Variants in CNBD1 observed in about 807,000 individuals in gnomAD.
The protein encoded by CNBD1 is cyclic nucleotide binding domain containing 1.
A neutral mutation model predicts 54.4 loss-of-function variants in CNBD1; 71 were observed. The ratio of observed to expected loss-of-function variants is 1.30; its 90% CI spans 1.08 to 1.59. CNBD1 has a LOEUF of 1.59. Ranked by LOEUF, CNBD1 falls within the 40% of genes most tolerant of loss-of-function variation. The probability of loss-of-function intolerance (pLI) is 0.00; values close to 1 mark genes in which losing one functional copy is unlikely to be tolerated. For missense variants in CNBD1, 659 were observed against 518.0 expected (o/e 1.27, Z -2.64); for synonymous variants, 182 against 170.7 (o/e 1.07, Z -0.51).
At chr8:87,188,458 G>T (rs188837061) in intron 4 of CNBD1, among the ~76,000 whole-genome samples, 1 of 152,220 alleles carries the variant, frequency 6.6e-6, no homozygotes, top group East Asian at 1.9e-4. Context: ...GGCTCGGTGC[G>T]GTGGTTCACA....
chr8:87,136,277 A>G (rs1007622864), intron 4 of CNBD1, among the ~76,000 whole-genome samples: 2 of 151,786 alleles, frequency 1.3e-5, no homozygotes, highest in South Asian at 2.1e-4. Flanking sequence ...CAGTGACTCC[A>G]TATTTTTAGA....
rs1282536925 is a variant in CNBD1 at position 86,888,456 on chromosome 8, T to A, written c.158+845T>A. Among the ~76,000 whole-genome samples, 3 of 152,062 alleles carry A rather than the reference T, an allele frequency of 2.0e-5. No individual in the cohort carries two copies. In the East Asian group the frequency reaches 5.8e-4, roughly 29 times the overall value. On this transcript the variant is annotated intron_variant, in intron 2 of 10. Transcript: ENST00000518476. ...AAGTCCACACACTCCCGAGACCTAT[T>A]GCCTGATGTGAATCCTGTCTCAGCC... is the stretch of plus-strand genomic sequence containing the variant.
intron 1 of CNBD1, among the ~76,000 whole-genome samples, chr8:86,879,741 G>A (rs767223022): frequency 3.9e-5 from 6 of 151,988 alleles, no homozygotes; most frequent in Admixed American, 3.3e-4. Flanking sequence ...ACATGGTGGC[G>A]GGCGCCTGTA....
intron 4 of CNBD1, among the ~76,000 whole-genome samples, chr8:86,976,914 A>C (rs965098142): frequency 6.6e-6 from 1 of 152,008 alleles, no homozygotes; most frequent in African/African-American, 2.4e-5. Flanking sequence ...TATGAGTTTT[A>C]ACAACTTTTT....
At chr8:86,955,629 TTCTTTTGAGAAGTGTC>T (rs1156472450) in intron 4 of CNBD1, among the ~76,000 whole-genome samples, 3 of 152,364 alleles carry the variant, frequency 2.0e-5, no homozygotes, top group Admixed American at 6.5e-5. Flanking sequence ...CATAAATATC[TTCTTTTGAGAAGTGTC>T]TCTTCATATC....
intron 3 of CNBD1, among the ~76,000 whole-genome samples, chr8:86,911,809 T>C (rs926045074): frequency 1.3e-5 from 2 of 152,150 alleles, no homozygotes; most frequent in African/African-American, 4.8e-5. Flanking sequence ...AGCATTTATA[T>C]ATGCCAACAG....
intron 6 of CNBD1, among the ~76,000 whole-genome samples, chr8:87,256,163 C>T (rs925847639): frequency 9.4e-5 from 14 of 149,626 alleles, no homozygotes; most frequent in Admixed American, 7.4e-4. Flanking sequence ...GCTGGGATTA[C>T]AGGCACACAC....
chr8:87,244,671 C>T (rs936346419), intron 6 of CNBD1, among the ~76,000 whole-genome samples: 1 of 152,154 alleles, frequency 6.6e-6, no homozygotes. Flanking sequence ...TCCCCTGACT[C>T]ATATCCCAAC....
rs184633631 is a variant in CNBD1 at position 87,352,096 on chromosome 8, G to C, written c.1152+302G>C. Reference sequence around the variant, plus strand: ...GCCAGGTACTACTACAAACATACCAGATTGGCTAAGATGCACTTAATCATT... The same window carrying C: ...GCCAGGTACTACTACAAACATACCACATTGGCTAAGATGCACTTAATCATT... On this transcript the variant is annotated intron_variant, in intron 9 of 10. Transcript: ENST00000518476. 1.3e-3 allele frequency among the ~76,000 whole-genome samples: 192 copies of C among 152,194 alleles called. 1 individual carries two copies. Among genetic ancestry groups the C allele is most frequent in the South Asian group, 5.0e-3 (24 of 4,824 alleles).
chr8:87,087,717 C>T (rs1441201497), intron 4 of CNBD1, among the ~76,000 whole-genome samples: 4 of 152,104 alleles, frequency 2.6e-5, no homozygotes, highest in African/African-American at 9.7e-5. Context: ...CCGCCCGCCT[C>T]GGCCTCCCAA....
chr8:87,389,278 G>A (rs1407818634), intron 2 of CNBD1, among the ~76,000 whole-genome samples: 4 of 152,144 alleles, frequency 2.6e-5, no homozygotes, highest in Non-Finnish European at 4.4e-5. Flanking sequence ...AGGAAATAAA[G>A]GGTATTCAAT....
chr8:87,109,974 T>G (rs570034845), intron 4 of CNBD1, among the ~76,000 whole-genome samples: 2 of 152,220 alleles, frequency 1.3e-5, no homozygotes, highest in African/African-American at 4.8e-5. Context: ...TTTCCTGATA[T>G]TCCAATTTTG....
chr8:87,064,254 C>G (rs1810600958), intron 4 of CNBD1, among the ~76,000 whole-genome samples: 1 of 151,882 alleles, frequency 6.6e-6, no homozygotes, highest in Non-Finnish European at 1.5e-5. Flanking sequence ...AATAAATAAT[C>G]TCGCTTTCTT....
rs372167971 is a variant in CNBD1, at chr8:87,369,288, A to G, written c.1304-13332A>G. ...GTGTAAGATTTGGTTTCCTAGGTCA[A>G]TTCTACCATTCCGTACATGCTGTTT... On this transcript the variant is annotated intron_variant, in intron 10 of 10. Coordinates refer to ENST00000518476, the MANE Select transcript of CNBD1 (RefSeq NM_173538.3). 2.6e-5 allele frequency among the ~76,000 whole-genome samples: 4 copies of G among 152,074 alleles called. No individual in the cohort carries two copies. The East Asian group carries it at 7.8e-4, about 30-fold the overall frequency.
intron 6 of CNBD1, among the ~76,000 whole-genome samples, chr8:87,247,192 T>C (rs1295531774): frequency 6.6e-6 from 1 of 152,106 alleles, no homozygotes; most frequent in African/African-American, 2.4e-5. Flanking sequence ...AAGGCCACCA[T>C]CATTTGTGAT....
intron 4 of CNBD1, among the ~76,000 whole-genome samples, chr8:87,132,704 T>C (rs1009517784): frequency 2.0e-5 from 3 of 147,698 alleles, no homozygotes; most frequent in East Asian, 3.9e-4. Context: ...TATAGTTTCA[T>C]TTATATATAT....
At chr8:86,960,739 G>A (rs1370299805) in intron 4 of CNBD1, among the ~76,000 whole-genome samples, 3 of 152,168 alleles carry the variant, frequency 2.0e-5, no homozygotes, top group African/African-American at 7.2e-5. Context: ...CTCCCAGTGG[G>A]GGCCAAGTGA....
At chr8:87,341,731 G>A (rs950168646) in intron 8 of CNBD1, among the ~76,000 whole-genome samples, 1 of 152,176 alleles carries the variant, frequency 6.6e-6, no homozygotes, top group East Asian at 1.9e-4. Flanking sequence ...GTCCTCTGGA[G>A]GATGTAGCAA....
rs79047689 is a variant in CNBD1, at chr8:87,263,600, C to A, written c.772-21078C>A. 3.9e-5 allele frequency among the ~76,000 whole-genome samples: 6 copies of A among 151,910 alleles called. No homozygotes were observed. The East Asian group carries it at 9.6e-4, about 24-fold the overall frequency. On this transcript the variant is annotated intron_variant, in intron 6 of 10. Coordinates refer to ENST00000518476, the MANE Select transcript of CNBD1 (RefSeq NM_173538.3). ...TCACATAGAATAGTATGACATCCAA[C>A]GAACACAGTTCTGTTATTCTTCTAT...
Sources: gnomAD v4.1 joint callset for allele counts (sites outside exome capture counted in the v4.1 genomes callset) on GRCh38, gnomAD v4.1.1 for gene constraint, MANE v1.5 for transcripts, NCBI Gene and HGNC (gene_info 2026-07-23, HGNC 2026-07-21) for gene names.